The following NRXN3 variants were observed in gnomAD, a reference collection of about 807,000 sequenced individuals.
NRXN3 encodes the protein neurexin 3, also known as neurexin III.
NRXN3 carries 32 observed loss-of-function variants against 137.6 expected under a neutral mutation model. The observed-to-expected ratio is 0.23, with a 90% confidence interval of 0.18 to 0.31. The LOEUF (loss-of-function observed/expected upper bound fraction) is 0.31, where lower values mean the gene tolerates loss of function less well. Among genes scored for constraint, NRXN3 ranks in the 10% least tolerant of loss-of-function variants. NRXN3 has a pLI of 1.00. For missense variants in NRXN3, 1,574 were observed against 2,062.5 expected (o/e 0.76, Z 4.59); for synonymous variants, 798 against 784.5 (o/e 1.02, Z -0.29).
intron 4 of NRXN3, among the ~76,000 whole-genome samples, chr14:78,547,293 C>T (rs566312469): frequency 2.0e-5 from 3 of 151,972 alleles, no homozygotes; most frequent in East Asian, 3.9e-4. Flanking sequence ...GCAAGCTCCC[C>T]GTCCTGGGTT....
intron 10 of NRXN3, among the ~76,000 whole-genome samples, chr14:78,934,026 G>A (rs1386342466): frequency 6.6e-6 from 1 of 151,742 alleles, no homozygotes; most frequent in African/African-American, 2.4e-5. Flanking sequence ...ACTGAAGCCT[G>A]TGGATTATTG....
At chr14:79,101,436 G>A (rs375932389) in intron 15 of NRXN3, among the ~76,000 whole-genome samples, 8 of 152,152 alleles carry the variant, frequency 5.3e-5, no homozygotes, top group African/African-American at 1.4e-4. Flanking sequence ...AGCTAGCCAC[G>A]ACAGAAAAAC....
rs73310817 is a variant in NRXN3, at chr14:78,369,474, G to A, written c.757+71614G>A. On this transcript the variant is annotated intron_variant, in intron 4 of 20. Transcript: ENST00000335750. Reference sequence around the variant, plus strand: ...TGCTCTTACCTACCTTCTCTTGGATGTGCTGCTTTGGAAAGTTTTTGGTGT... The same window carrying A: ...TGCTCTTACCTACCTTCTCTTGGATATGCTGCTTTGGAAAGTTTTTGGTGT... Among the ~76,000 whole-genome samples, 155 of 152,170 alleles carry A rather than the reference G, an allele frequency of 1.0e-3. 1 individual carries two copies. The highest frequency in any genetic ancestry group is 3.6e-3 in the African/African-American group (151 of 41,500).
At chr14:78,186,575 T>C (rs1214554525) in intron 1 of NRXN3, among the ~76,000 whole-genome samples, 1 of 152,258 alleles carries the variant, frequency 6.6e-6, no homozygotes, top group Non-Finnish European at 1.5e-5. Flanking sequence ...CTCTGGACTA[T>C]GTTTGGAGAA....
At position 78,870,148 on chromosome 14, in the gene NRXN3, C is replaced by T. The variant is rs140301019; in HGVS notation, c.2275+59804C>T. 9.5e-4 allele frequency among the ~76,000 whole-genome samples: 145 copies of T among 152,268 alleles called. 1 individual carries two copies. The East Asian group carries it at 0.026, about 27-fold the overall frequency. Reference sequence around the variant, plus strand: ...GGCAGTTCTTACTAAACTGACTTAGCACACTTCTTGCTAAAACCAGATTTT... The same window carrying T: ...GGCAGTTCTTACTAAACTGACTTAGTACACTTCTTGCTAAAACCAGATTTT... On this transcript the variant is annotated intron_variant, in intron 10 of 20. Transcript: ENST00000335750.
intron 2 of NRXN3, among the ~76,000 whole-genome samples, chr14:78,249,882 A>G (rs1567077296): frequency 6.6e-6 from 1 of 152,056 alleles, no homozygotes; most frequent in Non-Finnish European, 1.5e-5. Context: ...TGGAGGGAAA[A>G]CGATCCGGAC....
intron 10 of NRXN3, 116 bp downstream of exon 10, chr14:78,810,460 T>A (rs1215365692): frequency 1.0e-5 from 2 of 200,604 alleles, no homozygotes; most frequent in African/African-American, 6.2e-5. Context: ...CTTTTAACAA[T>A]GGAGTGGGGG....
At chr14:78,295,886 T>G (rs1178987827) in intron 3 of NRXN3, among the ~76,000 whole-genome samples, 5 of 152,166 alleles carry the variant, frequency 3.3e-5, no homozygotes, top group African/African-American at 1.2e-4. Context: ...AATATTCACG[T>G]GGGTCAAATA....
chr14:79,725,285 C>G (rs1361134373), intron 19 of NRXN3, among the ~76,000 whole-genome samples: 3 of 152,128 alleles, frequency 2.0e-5, no homozygotes. Flanking sequence ...TTTTGCAAAA[C>G]AAGAGAAGGC....
intron 15 of NRXN3, among the ~76,000 whole-genome samples, chr14:79,129,126 G>C (rs1369425939): frequency 0.017 from 2,567 of 151,372 alleles, 67 homozygotes; most frequent in African/African-American, 0.059. Flanking sequence ...TTCAAAAAAC[G>C]AGCTCCTGGA....
At chr14:79,845,435 CTCTT>C (rs59723934) in intron 20 of NRXN3, among the ~76,000 whole-genome samples, 2,860 of 152,202 alleles carry the variant, frequency 0.019, 94 homozygotes, top group African/African-American at 0.066. Context: ...AGGTGGGTGA[CTCTT>C]TCTTTCACTT....
intron 4 of NRXN3, among the ~76,000 whole-genome samples, chr14:78,598,113 A>G (rs1467687667): frequency 6.6e-6 from 1 of 152,174 alleles, no homozygotes; most frequent in Non-Finnish European, 1.5e-5. Context: ...TTTCATGGAT[A>G]ATTACTGTAG....
At chr14:79,006,186 G>GAGATTGTA (rs2099552390) in intron 15 of NRXN3, among the ~76,000 whole-genome samples, 2 of 152,214 alleles carry the variant, frequency 1.3e-5, no homozygotes, top group African/African-American at 4.8e-5. Flanking sequence ...GCCTTTCTGA[G>GAGATTGTA]AGCAGACAAC....
intron 8 of NRXN3, among the ~76,000 whole-genome samples, chr14:78,794,606 TTGTGTG>T (rs144494895): frequency 2.2e-4 from 32 of 147,086 alleles, no homozygotes; most frequent in Non-Finnish European, 3.3e-4. Context: ...TCTATTCTAT[TTGTGTG>T]TGTGTGTGTG....
At chr14:78,668,751 G>A (rs746024813) in intron 6 of NRXN3, among the ~76,000 whole-genome samples, 11 of 152,120 alleles carry the variant, frequency 7.2e-5, no homozygotes, top group Non-Finnish European at 1.2e-4. Flanking sequence ...TTGAGCATGC[G>A]AGCAGTCATA....
chr14:79,535,724 G>A (rs762929647), intron 16 of NRXN3, among the ~76,000 whole-genome samples: 11 of 152,204 alleles, frequency 7.2e-5, no homozygotes, highest in African/African-American at 1.2e-4. Flanking sequence ...TGAAGCTCAC[G>A]GAGGTAAAAT....
chr14:78,587,579 C>G (rs527483223), intron 4 of NRXN3, among the ~76,000 whole-genome samples: 1 of 152,270 alleles, frequency 6.6e-6, no homozygotes, highest in Admixed American at 6.5e-5. Flanking sequence ...CTAAAAGATT[C>G]CCATTTTTGG....
chr14:78,949,611 A>T (rs2099383229), intron 10 of NRXN3, among the ~76,000 whole-genome samples: 1 of 150,646 alleles, frequency 6.6e-6, no homozygotes, highest in African/African-American at 2.5e-5. Flanking sequence ...TTTAAAAAAA[A>T]ACTACAATAC....
chr14:78,325,357 C>T (rs1444970136), intron 4 of NRXN3, among the ~76,000 whole-genome samples: 1 of 151,942 alleles, frequency 6.6e-6, no homozygotes, highest in Non-Finnish European at 1.5e-5. Context: ...AAGTACTCTG[C>T]CTTTCACAGT....
Sources: allele counts gnomAD v4.1 joint callset (sites outside exome capture counted in the v4.1 genomes callset), GRCh38; gene constraint gnomAD v4.1.1; transcripts MANE v1.5; gene names NCBI Gene and HGNC (gene_info 2026-07-23, HGNC 2026-07-21).